The following IMPG1 variants were observed in gnomAD, a reference collection of about 807,000 sequenced individuals.
IMPG1 encodes interphotoreceptor matrix proteoglycan of 150 kDa.
Under a neutral mutation model 92.0 loss-of-function variants are expected in IMPG1, and 85 were observed. The observed-to-expected ratio is 0.92, with a 90% CI of 0.78 to 1.11. The LOEUF (loss-of-function observed/expected upper bound fraction) is 1.11, where lower values mean the gene tolerates loss of function less well. Ranked by LOEUF, IMPG1 falls within the 50% of genes least tolerant of loss-of-function variation. IMPG1 has a pLI of 0.00. For synonymous variants in IMPG1, 367 were observed against 334.1 expected (o/e 1.10, Z -1.08); for missense variants, 1,022 against 956.0 (o/e 1.07, Z -0.91).
intron 7 of IMPG1, among the ~76,000 whole-genome samples, chr6:76,017,524 G>T (rs1783311287): frequency 6.6e-6 from 1 of 151,994 alleles, no homozygotes; most frequent in African/African-American, 2.4e-5. Context: ...TTCTCTACTT[G>T]GTGCCTACAT....
At position 76,005,359 on chromosome 6, in the gene IMPG1, G is replaced by A. The variant is rs942809235; in HGVS notation, c.1063C>T (p.Leu355Phe). Residue 355 changes from leucine to phenylalanine, a missense_variant, in exon 10 of 17, where the codon CTC becomes TTC. By Grantham distance (22) the Leu-to-Phe change is conservative. Around this residue, in one of 3 missense-constraint regions of IMPG1, gnomAD observed 681 missense variants for 583.6 expected, o/e 1.17. Coordinates refer to ENST00000369950, the MANE Select transcript of IMPG1 (RefSeq NM_001563.4). ...QPEIYLTATDLKRLISKALEE... is the reference protein window; with the variant it reads ...QPEIYLTATDFKRLISKALEE... ...AGTGCTTTGCTGATCAGCCTTTTGAGGTCTGTAGCTGTGAGATAGATTTCT... is the reference window on the plus strand; with the variant it reads ...AGTGCTTTGCTGATCAGCCTTTTGAAGTCTGTAGCTGTGAGATAGATTTCT... 6.2e-7 allele frequency: 1 copy of A among 1,613,912 alleles called. No individual in the cohort carries two copies. The highest frequency in any genetic ancestry group is 8.5e-7 in the Non-Finnish European group (1 of 1,179,846).
At position 76,005,508 on chromosome 6, in the gene IMPG1, G is replaced by GT. The variant is rs1562366625; in HGVS notation, c.913dup (p.Thr305AsnfsTer5). 10 of 1,613,832 alleles carry GT rather than the reference G, an allele frequency of 6.2e-6. No homozygotes were observed. Among genetic ancestry groups the GT allele is most frequent in the African/African-American group, 1.3e-5 (1 of 74,978 alleles). ...TGCACTGTGTCTCTTAAAGATGGCC[G>GT]TAAGTTGCATCTCTGTGGAGCTTGA... On this transcript the variant is annotated frameshift_variant, in exon 10 of 17. Transcript: ENST00000369950. LOFTEE classifies it high-confidence loss of function.
In IMPG1 at chr6:75,923,710, C is replaced by A. The variant is rs1172541343; in HGVS notation, c.2244-4G>T. The A allele has an allele frequency of 6.4e-7, 1 of 1,558,006 alleles. No homozygotes were observed. The highest frequency in any genetic ancestry group is 1.1e-5 in the South Asian group (1 of 88,648). ...ATTTTCAGAGTGATCTGGCAACCTA[C>A]AAAAGAAAGCAAAAACATAGTATCT... On this transcript the variant is annotated splice_polypyrimidine_tract_variant and splice_region_variant and intron_variant, in intron 15 of 16. Transcript: ENST00000369950.
chr6:75,994,287 A>G (rs923461094), intron 12 of IMPG1, among the ~76,000 whole-genome samples: 4 of 152,244 alleles, frequency 2.6e-5, no homozygotes, highest in African/African-American at 9.6e-5. Context: ...ATAGATTTAA[A>G]GTAATCTGGG....
intron 7 of IMPG1, among the ~76,000 whole-genome samples, chr6:76,013,880 C>A (rs1014979375): frequency 2.0e-5 from 3 of 152,222 alleles, no homozygotes; most frequent in Admixed American, 2.0e-4. Context: ...GGGCTTTAGA[C>A]TGCATTACAA....
intron 13 of IMPG1, among the ~76,000 whole-genome samples, chr6:75,949,967 ATTTC>A (rs1562344889): frequency 6.6e-6 from 1 of 152,116 alleles, no homozygotes; most frequent in African/African-American, 2.4e-5. Context: ...TTGTATATGT[ATTTC>A]TTATTGTATA....
chr6:75,997,558 T>G (rs1271572940), intron 12 of IMPG1, among the ~76,000 whole-genome samples: 3 of 152,126 alleles, frequency 2.0e-5, no homozygotes, highest in Admixed American at 2.0e-4. Context: ...GCACTCTTAT[T>G]TTGATGAAAG....
intron 7 of IMPG1, among the ~76,000 whole-genome samples, chr6:76,018,180 T>G (rs1341669752): frequency 6.6e-6 from 1 of 152,164 alleles, no homozygotes; most frequent in Non-Finnish European, 1.5e-5. Flanking sequence ...ACATTTTTTT[T>G]CCATACACAC....
At chr6:76,060,876 A>T (rs1784193908) in intron 1 of IMPG1, among the ~76,000 whole-genome samples, 1 of 152,174 alleles carries the variant, frequency 6.6e-6, no homozygotes, top group South Asian at 2.1e-4. Flanking sequence ...TGGTCATTAC[A>T]ACATGTATTC....
At chr6:76,020,331 G>T (rs555887707) in intron 6 of IMPG1, among the ~76,000 whole-genome samples, 3 of 152,192 alleles carry the variant, frequency 2.0e-5, no homozygotes, top group Non-Finnish European at 4.4e-5. Flanking sequence ...GGGATTACAG[G>T]CATGAGCCAC....
At position 75,941,518 on chromosome 6, in the gene IMPG1, C is replaced by T. The variant is rs147248997; in HGVS notation, c.2044+5796G>A. Among the ~76,000 whole-genome samples the T allele has an allele frequency of 3.5e-3, 526 of 152,254 alleles. 3 individuals are homozygous for T. Among genetic ancestry groups the T allele is most frequent in the African/African-American group, 0.011 (474 of 41,548 alleles). Reference sequence around the variant, plus strand: ...TAACTTTTAATTAGTTATGTAAGTACCTACATAATTTTTGCCTTTTGGCTT... The same window carrying T: ...TAACTTTTAATTAGTTATGTAAGTATCTACATAATTTTTGCCTTTTGGCTT... On this transcript the variant is annotated intron_variant, in intron 14 of 16. Transcript: ENST00000369950.
At chr6:75,974,393 T>TTCTTTCC (rs1313714060) in intron 12 of IMPG1, among the ~76,000 whole-genome samples, 8 of 65,032 alleles carry the variant, frequency 1.2e-4, no homozygotes, top group African/African-American at 4.7e-4. Flanking sequence ...CTTTCTTTCT[T>TTCTTTCC]TTCTTTCTTT....
chr6:75,975,013 T>C (rs1021396172), intron 12 of IMPG1, among the ~76,000 whole-genome samples: 1 of 152,342 alleles, frequency 6.6e-6, no homozygotes, highest in Non-Finnish European at 1.5e-5. Flanking sequence ...AGTAGGAAGT[T>C]ATAAAATCAC....
At chr6:76,023,910 T>G (rs1783478302) in intron 5 of IMPG1, among the ~76,000 whole-genome samples, 1 of 152,182 alleles carries the variant, frequency 6.6e-6, no homozygotes, top group Admixed American at 6.5e-5. Flanking sequence ...TAATTTTGTT[T>G]TCCCATATTA....
chr6:76,013,846 G>A (rs1181824182), intron 7 of IMPG1, among the ~76,000 whole-genome samples: 1 of 152,194 alleles, frequency 6.6e-6, no homozygotes, highest in Non-Finnish European at 1.5e-5. Flanking sequence ...GTGATACACA[G>A]ATAATCCCCA....
At chr6:75,962,131 G>T (rs62758362) in intron 12 of IMPG1, among the ~76,000 whole-genome samples, 4,410 of 66,940 alleles carry the variant, frequency 0.066, 178 homozygotes, top group African/African-American at 0.2. Context: ...TTGCCATTTT[G>T]TTTTTTGAGA....
chr6:76,013,986 T>G (rs967160582), intron 7 of IMPG1, among the ~76,000 whole-genome samples: 1 of 152,212 alleles, frequency 6.6e-6, no homozygotes, highest in African/African-American at 2.4e-5. Context: ...ATAAGAGGAA[T>G]CACAGTGATG....
chr6:75,931,275 G>A, intron 14 of IMPG1, 124 bp from the exon 15 acceptor site: 1 of 800,752 alleles, frequency 1.2e-6, no homozygotes, highest in Non-Finnish European at 2.0e-6. Flanking sequence ...TTGCACAGTT[G>A]TGATATCAGA....
chr6:75,943,563 T>C (rs895824382), intron 14 of IMPG1, among the ~76,000 whole-genome samples: 1 of 152,244 alleles, frequency 6.6e-6, no homozygotes, highest in Admixed American at 6.5e-5. Flanking sequence ...TGCGGAAAGA[T>C]GAGCCAACTC....
Sources: allele counts gnomAD v4.1 joint callset (sites outside exome capture counted in the v4.1 genomes callset), GRCh38; gene constraint gnomAD v4.1.1; regional missense constraint gnomAD v4.1.1; transcripts MANE v1.5; gene names NCBI Gene and HGNC (gene_info 2026-07-23, HGNC 2026-07-21).